The following NRXN3 variants were observed in gnomAD, a reference collection of about 807,000 sequenced individuals.
The protein encoded by NRXN3 is neurexin 3.
In NRXN3, 32 loss-of-function variants were observed where a neutral mutation model predicts 137.6. The observed-to-expected ratio is 0.23, with a 90% confidence interval of 0.18 to 0.31. The LOEUF (loss-of-function observed/expected upper bound fraction) is 0.31. Among genes scored for constraint, NRXN3 ranks in the 10% least tolerant of loss-of-function variants. The probability of loss-of-function intolerance (pLI) is 1.00; values close to 1 mark genes in which losing one functional copy is unlikely to be tolerated. For synonymous variants in NRXN3, 798 were observed against 784.5 expected, an observed-to-expected ratio of 1.02 and a Z score of -0.29; for missense variants, 1,574 against 2,062.5, an observed-to-expected ratio of 0.76 and a Z score of 4.59.
At chr14:78,995,996 A>G (rs957936072) in intron 15 of NRXN3, among the ~76,000 whole-genome samples, 1 of 151,816 alleles carries the variant, frequency 6.6e-6, no homozygotes, top group Non-Finnish European at 1.5e-5. Flanking sequence ...GCTAACAATA[A>G]ATGTCAGTGC....
intron 4 of NRXN3, among the ~76,000 whole-genome samples, chr14:78,352,835 C>T (rs1242111629): frequency 2.0e-5 from 3 of 152,198 alleles, no homozygotes; most frequent in African/African-American, 7.2e-5. Flanking sequence ...CAGGAAGGCT[C>T]TGCAAAGGCA....
chr14:78,210,642 A>G (rs2062653359), intron 1 of NRXN3, among the ~76,000 whole-genome samples: 1 of 151,744 alleles, frequency 6.6e-6, no homozygotes, highest in Non-Finnish European at 1.5e-5. Context: ...ATCACCCCCA[A>G]AAAGTTTTTC....
intron 15 of NRXN3, among the ~76,000 whole-genome samples, chr14:79,006,341 C>G (rs2099552788): frequency 6.6e-6 from 1 of 151,930 alleles, no homozygotes; most frequent in Admixed American, 6.6e-5. Flanking sequence ...AACAAACAAA[C>G]AAACAAACAA....
intron 16 of NRXN3, among the ~76,000 whole-genome samples, chr14:79,501,565 G>A (rs1224519748): frequency 2.0e-5 from 3 of 152,110 alleles, no homozygotes; most frequent in Non-Finnish European, 2.9e-5. Flanking sequence ...ATCACAGCCT[G>A]ATAGCTACAA....
At chr14:78,179,729 C>T (rs1380996862) in intron 1 of NRXN3, among the ~76,000 whole-genome samples, 2 of 151,512 alleles carry the variant, frequency 1.3e-5, no homozygotes, top group Non-Finnish European at 1.5e-5. Flanking sequence ...AACAATTATT[C>T]TCCACCTTCC....
At chr14:79,601,624 A>C (rs1297145559) in intron 16 of NRXN3, among the ~76,000 whole-genome samples, 1 of 152,168 alleles carries the variant, frequency 6.6e-6, no homozygotes, top group African/African-American at 2.4e-5. Flanking sequence ...TGTTTTCTGC[A>C]GCAGACTACA....
rs1366680216 is a variant in NRXN3 at position 78,715,115 on chromosome 14, T to G, written c.2020T>G (p.Tyr674Asp). Residue 674 changes from tyrosine to aspartate, a missense_variant, in exon 8 of 21, where the codon TAC becomes GAC. Tyr to Asp is a radical substitution (Grantham distance 160). Coordinates refer to ENST00000335750, the MANE Select transcript of NRXN3 (RefSeq NM_001330195.2). ...CATCTGCGACTGCACCGGCACCGGATACTGGGGAAGAACCTGCGAAAGGGG... is the reference window on the plus strand; with the variant it reads ...CATCTGCGACTGCACCGGCACCGGAGACTGGGGAAGAACCTGCGAAAGGGG... ...RFICDCTGTG[Y>D]WGRTCEREAS... 6.2e-7 allele frequency: 1 copy of G among 1,610,300 alleles called. No individual in the cohort carries two copies.
At chr14:78,500,361 C>T (rs903606041) in intron 4 of NRXN3, among the ~76,000 whole-genome samples, 3 of 152,080 alleles carry the variant, frequency 2.0e-5, no homozygotes, top group Admixed American at 1.3e-4. Flanking sequence ...GCAGTAGCCT[C>T]TAATAAAGGG....
intron 15 of NRXN3, among the ~76,000 whole-genome samples, chr14:79,264,335 T>A (rs1391842183): frequency 6.6e-6 from 1 of 152,210 alleles, no homozygotes; most frequent in Non-Finnish European, 1.5e-5. Flanking sequence ...GTGATCTGCC[T>A]GCCTTGGCCT....
intron 15 of NRXN3, among the ~76,000 whole-genome samples, chr14:79,101,972 T>G (rs1217696933): frequency 1.3e-5 from 2 of 152,060 alleles, no homozygotes; most frequent in Non-Finnish European, 2.9e-5. Context: ...AGACAGAGGC[T>G]GGAGTGATGC....
chr14:79,225,519 C>G (rs756876364), intron 15 of NRXN3, among the ~76,000 whole-genome samples: 1 of 152,060 alleles, frequency 6.6e-6, no homozygotes, highest in African/African-American at 2.4e-5. Flanking sequence ...TGTAATAAAT[C>G]ACGGCAACCT....
At chr14:79,274,851 G>A (rs1226002667) in intron 15 of NRXN3, among the ~76,000 whole-genome samples, 1 of 151,996 alleles carries the variant, frequency 6.6e-6, no homozygotes, top group Non-Finnish European at 1.5e-5. Context: ...GGAGGACAAG[G>A]GCATAACTAT....
intron 10 of NRXN3, among the ~76,000 whole-genome samples, chr14:78,944,415 T>C (rs1359268005): frequency 6.6e-6 from 1 of 152,206 alleles, no homozygotes; most frequent in Non-Finnish European, 1.5e-5. Context: ...ACCTGTGTGG[T>C]GGGCTAAGTA....
chr14:79,225,647 C>T (rs1405324847), intron 15 of NRXN3, among the ~76,000 whole-genome samples: 1 of 152,110 alleles, frequency 6.6e-6, no homozygotes, highest in Non-Finnish European at 1.5e-5. Context: ...AAGACATCAA[C>T]ACTTTTTACC....
At chr14:78,860,306 T>C (rs916029586) in intron 10 of NRXN3, among the ~76,000 whole-genome samples, 24 of 152,284 alleles carry the variant, frequency 1.6e-4, no homozygotes, top group Middle Eastern at 3.4e-3. Context: ...GATCAAGTAA[T>C]TTGCCAGTGT....
intron 4 of NRXN3, among the ~76,000 whole-genome samples, chr14:78,544,863 G>A (rs780671197): frequency 6.6e-6 from 1 of 152,206 alleles, no homozygotes; most frequent in African/African-American, 2.4e-5. Flanking sequence ...TACAGCATGG[G>A]TAGAGGTGGC....
At chr14:79,773,535 AC>A (rs2099086395) in intron 19 of NRXN3, among the ~76,000 whole-genome samples, 1 of 150,262 alleles carries the variant, frequency 6.7e-6, no homozygotes, top group African/African-American at 2.4e-5. Context: ...AGAACAAACA[AC>A]CAAACACCGC....
At chr14:78,732,960 C>G (rs961806997) in intron 8 of NRXN3, among the ~76,000 whole-genome samples, 4 of 152,158 alleles carry the variant, frequency 2.6e-5, no homozygotes, top group South Asian at 2.1e-4. Context: ...GTCTGGGATT[C>G]TTTTTCTACT....
chr14:78,413,783 A>G (rs1175431566), intron 4 of NRXN3, among the ~76,000 whole-genome samples: 3 of 72,788 alleles, frequency 4.1e-5, no homozygotes, highest in African/African-American at 1.5e-4. Flanking sequence ...AAGGGGCACC[A>G]AAAACATCCA....
Sources: gnomAD v4.1 joint callset for allele counts (sites outside exome capture counted in the v4.1 genomes callset) on GRCh38, gnomAD v4.1.1 for gene constraint, MANE v1.5 for transcripts, NCBI Gene and HGNC (gene_info 2026-07-23, HGNC 2026-07-21) for gene names.